Variants in GRIN2B observed in about 807,000 individuals in gnomAD.
GRIN2B encodes glutamate ionotropic receptor NMDA type subunit 2B.
In GRIN2B, 5 loss-of-function variants were observed where a neutral mutation model predicts 114.5. The ratio of observed to expected loss-of-function variants is 0.04; its 90% CI spans 0.02 to 0.09. The LOEUF (loss-of-function observed/expected upper bound fraction) is 0.09. Among genes scored for constraint, GRIN2B ranks in the 10% least tolerant of loss-of-function variants. GRIN2B has a pLI of 1.00. For missense variants in GRIN2B, 1,108 were observed against 1,943.5 expected, an observed-to-expected ratio of 0.57 and a Z score of 8.08; for synonymous variants, 787 against 745.1, an observed-to-expected ratio of 1.06 and a Z score of -0.92.
chr12:13,691,124 T>TCTCACTCCTTCCCACTC (rs557222385), intron 4 of GRIN2B, among the ~76,000 whole-genome samples: 253 of 152,266 alleles, frequency 1.7e-3, no homozygotes, highest in African/African-American at 5.4e-3. Flanking sequence ...AAAATCCCAT[T>TCTCACTCCTTCCCACTC]CTCACTCCTT....
chr12:13,647,271 T>G (rs947821938), intron 5 of GRIN2B, among the ~76,000 whole-genome samples: 1 of 152,100 alleles, frequency 6.6e-6, no homozygotes, highest in African/African-American at 2.4e-5. Context: ...TATCTCTTTT[T>G]AATAGAAGAG....
intron 4 of GRIN2B, among the ~76,000 whole-genome samples, chr12:13,745,504 A>C (rs1173886141): frequency 2.6e-5 from 4 of 152,194 alleles, no homozygotes; most frequent in African/African-American, 4.8e-5. Flanking sequence ...ATGGCCAAGC[A>C]GTGGAGAGGT....
At chr12:13,714,545 A>G (rs1023494688) in intron 4 of GRIN2B, among the ~76,000 whole-genome samples, 1 of 151,864 alleles carries the variant, frequency 6.6e-6, no homozygotes, top group Non-Finnish European at 1.5e-5. Flanking sequence ...CATCCCACAG[A>G]GTCTTGCTGA....
chr12:13,642,189 A>AAAAC (rs35583863), intron 5 of GRIN2B, among the ~76,000 whole-genome samples: 17,835 of 149,676 alleles, frequency 0.12, 2,030 homozygotes, highest in African/African-American at 0.31. Flanking sequence ...ACTCTGTCTC[A>AAAAC]AAACAAACAA....
At chr12:13,805,596 CATTT>C (rs1565544061) in intron 3 of GRIN2B, among the ~76,000 whole-genome samples, 1 of 152,014 alleles carries the variant, frequency 6.6e-6, no homozygotes, top group Non-Finnish European at 1.5e-5. Context: ...AAATTATTTG[CATTT>C]ATTTATTAAA....
Position 13,556,976 on chromosome 12 carries a change from A to G in GRIN2B, c.*5807T>C, listed in dbSNP as rs879419081. On this transcript the variant is annotated 3_prime_UTR_variant, in exon 14 of 14. Transcript: ENST00000609686. ...TTCAATATTGTAAATGAGAAGCCCT[A>G]AACGTCACAGTTCTCTCCAAGGCAT... The G allele has an allele frequency of 3.3e-5, 5 of 152,190 alleles. No homozygotes were observed. The highest frequency in any genetic ancestry group is 7.3e-5 in the Non-Finnish European group (5 of 68,028). The allele number at this position is 152,190 out of a possible 1,614,324, so 9.4% of individuals were successfully genotyped here. A position where few individuals can be genotyped will look rare whatever the true frequency, so the allele number is the denominator to read the frequency against.
At chr12:13,931,641 T>C (rs929788562) in intron 2 of GRIN2B, among the ~76,000 whole-genome samples, 3 of 152,204 alleles carry the variant, frequency 2.0e-5, no homozygotes, top group Admixed American at 1.3e-4. Flanking sequence ...TTCAAATGGA[T>C]TTCTAAATCA....
chr12:13,597,505 C>T (rs1240795152), intron 10 of GRIN2B, among the ~76,000 whole-genome samples: 1 of 152,222 alleles, frequency 6.6e-6, no homozygotes, highest in Non-Finnish European at 1.5e-5. Context: ...CGGGGACCAT[C>T]CCTTTATCTG....
At chr12:13,691,187 T>C (rs1279674116) in intron 4 of GRIN2B, among the ~76,000 whole-genome samples, 6 of 152,184 alleles carry the variant, frequency 3.9e-5, no homozygotes, top group South Asian at 2.1e-4. Flanking sequence ...GAATAGTTGA[T>C]ATTCACACTA....
At chr12:13,689,041 T>G (rs1458924388) in intron 4 of GRIN2B, among the ~76,000 whole-genome samples, 3 of 152,156 alleles carry the variant, frequency 2.0e-5, no homozygotes, top group African/African-American at 7.2e-5. Flanking sequence ...GCCTTTATCT[T>G]TTCTCTTATT....
intron 4 of GRIN2B, among the ~76,000 whole-genome samples, chr12:13,751,512 A>C (rs1591711286): frequency 6.6e-6 from 1 of 152,154 alleles, no homozygotes; most frequent in Admixed American, 6.5e-5. Context: ...TCCGGGGCAA[A>C]CAGTACGATT....
At chr12:13,759,278 C>A (rs903921254) in intron 3 of GRIN2B, among the ~76,000 whole-genome samples, 3 of 151,904 alleles carry the variant, frequency 2.0e-5, no homozygotes, top group Admixed American at 2.0e-4. Flanking sequence ...CAAAGTGCTG[C>A]GATTACAGGC....
chr12:13,874,077 T>C (rs1470796736), intron 2 of GRIN2B, among the ~76,000 whole-genome samples: 2 of 152,142 alleles, frequency 1.3e-5, no homozygotes, highest in African/African-American at 2.4e-5. Flanking sequence ...CCCCAGCTCC[T>C]GTAGACCCTT....
intron 2 of GRIN2B, among the ~76,000 whole-genome samples, chr12:13,873,608 C>T (rs1865947246): frequency 6.6e-6 from 1 of 152,160 alleles, no homozygotes; most frequent in Non-Finnish European, 1.5e-5. Context: ...TTTTGAGCTC[C>T]CTTGCCCTGC....
intron 10 of GRIN2B, among the ~76,000 whole-genome samples, chr12:13,588,716 A>G (rs923920766): frequency 4.6e-5 from 7 of 152,194 alleles, no homozygotes; most frequent in African/African-American, 1.4e-4. Context: ...CTTTTTTAAA[A>G]TAAAGAGCCT....
At chr12:13,714,701 T>G (rs911954580) in intron 4 of GRIN2B, among the ~76,000 whole-genome samples, 8 of 151,928 alleles carry the variant, frequency 5.3e-5, no homozygotes, top group African/African-American at 1.7e-4. Context: ...GGTCAAATGT[T>G]CTGAGAATAT....
intron 5 of GRIN2B, among the ~76,000 whole-genome samples, chr12:13,657,981 G>A (rs1021082297): frequency 3.9e-5 from 6 of 152,080 alleles, no homozygotes; most frequent in Non-Finnish European, 5.9e-5. Flanking sequence ...CAAGGCAGTC[G>A]GATCACCTGA....
At chr12:13,595,150 T>C (rs1187858605) in intron 10 of GRIN2B, among the ~76,000 whole-genome samples, 1 of 152,246 alleles carries the variant, frequency 6.6e-6, no homozygotes, top group Non-Finnish European at 1.5e-5. Context: ...CTGTGATTAC[T>C]GGAGAATGAA....
intron 3 of GRIN2B, among the ~76,000 whole-genome samples, chr12:13,785,253 C>A (rs1357617447): frequency 1.3e-5 from 2 of 152,228 alleles, no homozygotes; most frequent in African/African-American, 4.8e-5. Flanking sequence ...GTTCCCCTGG[C>A]ATCCATCCTT....
Sources: gnomAD v4.1 joint callset for allele counts (sites outside exome capture counted in the v4.1 genomes callset) on GRCh38, gnomAD v4.1.1 for gene constraint, MANE v1.5 for transcripts, NCBI Gene and HGNC (gene_info 2026-07-23, HGNC 2026-07-21) for gene names.